NCOA2: variants seen among roughly 807,000 people sequenced by gnomAD.
The protein encoded by NCOA2 is nuclear receptor coactivator 2, also known as class E basic helix-loop-helix protein 75.
NCOA2 carries 21 observed loss-of-function variants against 145.1 expected under a neutral mutation model. That is an observed-to-expected ratio of 0.14 (90% CI 0.10 to 0.21). The LOEUF is 0.21. Ranked by LOEUF, NCOA2 falls within the 10% of genes least tolerant of loss-of-function variation. The pLI is 1.00. For synonymous variants in NCOA2, 619 were observed against 637.5 expected (o/e 0.97, Z 0.44); for missense variants, 1,472 against 1,837.6 (o/e 0.80, Z 3.64).
At chr8:70,286,598 T>C (rs1051477733) in intron 2 of NCOA2, among the ~76,000 whole-genome samples, 1 of 152,188 alleles carries the variant, frequency 6.6e-6, no homozygotes, top group African/African-American at 2.4e-5. Context: ...TTAAATTATC[T>C]TTACTATGTA....
chr8:70,268,534 T>C (rs1360153672), intron 2 of NCOA2, among the ~76,000 whole-genome samples: 1 of 152,222 alleles, frequency 6.6e-6, no homozygotes, highest in African/African-American at 2.4e-5. Context: ...TCACCTTTTC[T>C]ATACCATAAC....
At chr8:70,327,760 AAG>A (rs2136248346) in intron 1 of NCOA2, among the ~76,000 whole-genome samples, 1 of 152,348 alleles carries the variant, frequency 6.6e-6, no homozygotes, top group South Asian at 2.1e-4. Flanking sequence ...CTGATGTATT[AAG>A]AGAGTTTTAA....
At chr8:70,363,306 C>T (rs887235957) in intron 1 of NCOA2, among the ~76,000 whole-genome samples, 1 of 151,486 alleles carries the variant, frequency 6.6e-6, no homozygotes, top group Non-Finnish European at 1.5e-5. Flanking sequence ...TGGTGTGAAC[C>T]CAGGAGGCAG....
chr8:70,300,334 T>A (rs935244763), intron 1 of NCOA2, among the ~76,000 whole-genome samples: 7 of 152,240 alleles, frequency 4.6e-5, no homozygotes, highest in African/African-American at 9.6e-5. Context: ...CAAAAAAAAA[T>A]TTTAATGTTA....
the NCOA2 span, among the ~76,000 whole-genome samples, chr8:70,445,674 A>G: frequency 6.6e-6 from 1 of 152,146 alleles, no homozygotes; most frequent in Admixed American, 6.5e-5. Context: ...TGTTTTGTTG[A>G]TGGGAGGATG....
chr8:70,266,554 C>T (rs1266665597), intron 2 of NCOA2, among the ~76,000 whole-genome samples: 1 of 152,222 alleles, frequency 6.6e-6, no homozygotes, highest in Non-Finnish European at 1.5e-5. Context: ...CAAAGCCCTG[C>T]ATGGGCTTTG....
At position 70,314,208 on chromosome 8, in the gene NCOA2, AG is replaced by A. The variant is rs369134568; in HGVS notation, c.-76-17409del. Among the ~76,000 whole-genome samples the A allele has an allele frequency of 1.9e-3, 256 of 135,612 alleles. 10 individuals carry two copies. The highest frequency in any genetic ancestry group is 4.0e-3 in the African/African-American group (149 of 37,288). The allele number at this position is 135,612 out of a possible 152,430, so 89.0% of individuals were successfully genotyped here. On this transcript the variant is annotated intron_variant, in intron 1 of 22. Coordinates refer to ENST00000452400, the MANE Select transcript of NCOA2 (RefSeq NM_006540.4). ...AAAAAAAAAAAAAAAAAAAAAAAAA[AG>A]CAACTGTCATGTCCACAAATAAATG...
chr8:70,137,750 G>C (rs1809905937), intron 15 of NCOA2, among the ~76,000 whole-genome samples: 1 of 152,218 alleles, frequency 6.6e-6, no homozygotes, highest in African/African-American at 2.4e-5. Context: ...CACACCGCCT[G>C]CCTGAGGTTC....
chr8:70,208,455 A>G (rs1818693787), intron 4 of NCOA2, among the ~76,000 whole-genome samples: 1 of 152,228 alleles, frequency 6.6e-6, no homozygotes, highest in Non-Finnish European at 1.5e-5. Flanking sequence ...TCATTAATGA[A>G]GGTGGTTACA....
intron 2 of NCOA2, among the ~76,000 whole-genome samples, chr8:70,261,212 A>T (rs1351779115): frequency 1.3e-5 from 2 of 152,244 alleles, no homozygotes; most frequent in Non-Finnish European, 2.9e-5. Context: ...CAAATGTCCA[A>T]CAATGATAGA....
chr8:70,209,617 C>A (rs1818808641), intron 4 of NCOA2, among the ~76,000 whole-genome samples: 3 of 152,220 alleles, frequency 2.0e-5, no homozygotes, highest in African/African-American at 7.2e-5. Flanking sequence ...CAGCCATCAA[C>A]ATTGAGGCAA....
chr8:70,137,309 C>G (rs1446775814), intron 15 of NCOA2, among the ~76,000 whole-genome samples: 1 of 152,204 alleles, frequency 6.6e-6, no homozygotes, highest in Non-Finnish European at 1.5e-5. Flanking sequence ...TCCCAAAGTG[C>G]TAGGATTACA....
chr8:70,278,929 G>C (rs925018981), intron 2 of NCOA2, among the ~76,000 whole-genome samples: 4 of 150,798 alleles, frequency 2.7e-5, no homozygotes, highest in African/African-American at 9.8e-5. Flanking sequence ...TTGTGCCACT[G>C]CACTCCAGCC....
At chr8:70,192,326 G>A (rs1449955611) in intron 4 of NCOA2, among the ~76,000 whole-genome samples, 1 of 151,404 alleles carries the variant, frequency 6.6e-6, no homozygotes, top group East Asian at 1.9e-4. Context: ...ACCAGAGGAG[G>A]GGAAAAAAAA....
At chr8:70,331,257 T>C (rs575025895) in intron 1 of NCOA2, among the ~76,000 whole-genome samples, 2 of 151,740 alleles carry the variant, frequency 1.3e-5, no homozygotes, top group East Asian at 3.9e-4. Flanking sequence ...AAAGCTTTCT[T>C]ACTAAAACAA....
intron 2 of NCOA2, among the ~76,000 whole-genome samples, chr8:70,241,902 G>A (rs1822167387): frequency 3.3e-5 from 5 of 151,968 alleles, no homozygotes; most frequent in Admixed American, 3.3e-4. Flanking sequence ...AAAAGAAAAA[G>A]TAAAAACAAA....
At chr8:70,418,059 A>G in the NCOA2 span, among the ~76,000 whole-genome samples, 2 of 152,216 alleles carry the variant, frequency 1.3e-5, no homozygotes, top group African/African-American at 4.8e-5. Context: ...AATAGGAAGC[A>G]AAAATTTTGC....
the NCOA2 span, among the ~76,000 whole-genome samples, chr8:70,419,676 C>T: frequency 5.3e-5 from 8 of 152,086 alleles, no homozygotes; most frequent in Admixed American, 3.9e-4. Flanking sequence ...CTCTTTAACT[C>T]TCCTTTCCTA....
intron 2 of NCOA2, among the ~76,000 whole-genome samples, chr8:70,239,821 CAAG>C (rs1821969211): frequency 6.6e-6 from 1 of 152,156 alleles, no homozygotes; most frequent in Non-Finnish European, 1.5e-5. Flanking sequence ...AATAAAGTTA[CAAG>C]AAGAAATGAA....
Sources: allele counts gnomAD v4.1 joint callset (sites outside exome capture counted in the v4.1 genomes callset), GRCh38; gene constraint gnomAD v4.1.1; transcripts MANE v1.5; gene names NCBI Gene and HGNC (gene_info 2026-07-23, HGNC 2026-07-21).